LGR6: variants seen among roughly 807,000 people sequenced by gnomAD.
The protein encoded by LGR6 is leucine rich repeat containing G protein-coupled receptor 6.
LGR6 carries 45 observed loss-of-function variants against 69.4 expected under a neutral mutation model. The ratio of observed to expected loss-of-function variants is 0.65; its 90% CI spans 0.51 to 0.83. The LOEUF (loss-of-function observed/expected upper bound fraction) is 0.83. Among genes scored for constraint, LGR6 ranks in the 40% least tolerant of loss-of-function variants. The pLI, the probability that LGR6 is intolerant of heterozygous loss-of-function variation, is 0.00. For missense variants in LGR6, 1,108 were observed against 1,246.7 expected, an observed-to-expected ratio of 0.89 and a Z score of 1.68; for synonymous variants, 538 against 555.0, an observed-to-expected ratio of 0.97 and a Z score of 0.43.
chr1:202,197,021 A>G (rs769056242), intron 1 of LGR6: 1 of 533,034 alleles, frequency 1.9e-6, no homozygotes, highest in Admixed American at 1.9e-5. Context: ...TTGGACATGC[A>G]GGAAGTAGCA....
At chr1:202,239,149 C>T in intron 4 of LGR6, among the ~76,000 whole-genome samples, 1 of 152,152 alleles carries the variant, frequency 6.6e-6, no homozygotes, top group Non-Finnish European at 1.5e-5. Context: ...TAGGTGTCTT[C>T]CGGCCGGCTC....
At chr1:202,223,627 G>A (rs1231762940) in intron 1 of LGR6, among the ~76,000 whole-genome samples, 1 of 152,000 alleles carries the variant, frequency 6.6e-6, no homozygotes, top group African/African-American at 2.4e-5. Context: ...AGGCAGAGAC[G>A]AGAATCAGGC....
intron 3 of LGR6, among the ~76,000 whole-genome samples, chr1:202,232,505 G>A (rs1484813706): frequency 6.6e-6 from 1 of 152,138 alleles, no homozygotes; most frequent in East Asian, 1.9e-4. Context: ...GGGCTTCAGT[G>A]TGACCTGGGC....
At chr1:202,280,737 G>A (rs1315454656) in intron 5 of LGR6, 44 bp from the exon 6 acceptor site, 1 of 1,586,882 alleles carries the variant, frequency 6.3e-7, no homozygotes, top group Admixed American at 1.7e-5. Flanking sequence ...CCTGGCCCCA[G>A]TGCCGTGGGC....
intron 17 of LGR6, among the ~76,000 whole-genome samples, chr1:202,317,740 G>C (rs1287804173): frequency 1.3e-5 from 2 of 152,194 alleles, no homozygotes; most frequent in East Asian, 3.8e-4. Flanking sequence ...TCCCACAGCT[G>C]GGAGTTCTCT....
intron 1 of LGR6, among the ~76,000 whole-genome samples, chr1:202,205,192 GAAACACATGTCC>G (rs1490675392): frequency 0.11 from 100 of 916 alleles, no homozygotes; most frequent in Non-Finnish European, 0.29. Context: ...ACACACCCTC[GAAACACATGTCC>G]TTCAAACACA....
At chr1:202,203,867 C>T (rs1658924073) in intron 1 of LGR6, 5 of 1,613,062 alleles carry the variant, frequency 3.1e-6, no homozygotes, top group Non-Finnish European at 4.2e-6. Context: ...CAATAATCAT[C>T]TCTGCCCGGT....
At chr1:202,289,997 T>G (rs1344837990) in intron 6 of LGR6, among the ~76,000 whole-genome samples, 1 of 152,228 alleles carries the variant, frequency 6.6e-6, no homozygotes, top group Non-Finnish European at 1.5e-5. Flanking sequence ...TTAATGATAT[T>G]CATCTTTCTT....
intron 4 of LGR6, among the ~76,000 whole-genome samples, chr1:202,242,468 CCAGTGGGATGATTGGCAGA>C (rs1662291637): frequency 1.3e-5 from 2 of 152,156 alleles, no homozygotes; most frequent in Admixed American, 1.3e-4. Context: ...ATGAGAGAGT[CCAGTGGGATGATTGGCAGA>C]CAGATGTCCC....
At chr1:202,310,102 G>C in intron 15 of LGR6, 95 bp from the exon 16 acceptor site, 1 of 1,275,492 alleles carries the variant, frequency 7.8e-7, no homozygotes, top group Non-Finnish European at 1.1e-6. Flanking sequence ...GACACTGAGT[G>C]CCCAGCCCCT....
chr1:202,235,471 G>C (rs1406224881), intron 3 of LGR6, among the ~76,000 whole-genome samples: 1 of 152,164 alleles, frequency 6.6e-6, no homozygotes, highest in Non-Finnish European at 1.5e-5. Flanking sequence ...GACACCCTAA[G>C]GGCAGCCTTA....
chr1:202,286,235 G>A lies in LGR6; in HGVS notation c.716+5383G>A, dbSNP rs913120937. Among the ~76,000 whole-genome samples, 6 of 152,162 alleles carry A rather than the reference G, an allele frequency of 3.9e-5. No individual in the cohort carries two copies. In the South Asian group the frequency reaches 6.2e-4, roughly 16 times the overall value. ...CAACCCACTCTACAGCTATCCTGGCGGGCTCCATGACAGAGCCCTCTGGGG... is the reference window on the plus strand; with the variant it reads ...CAACCCACTCTACAGCTATCCTGGCAGGCTCCATGACAGAGCCCTCTGGGG... On this transcript the variant is annotated intron_variant, in intron 6 of 17. Coordinates refer to ENST00000367278, the MANE Select transcript of LGR6 (RefSeq NM_001017403.2).
At chr1:202,293,761 C>T (rs1182121536) in intron 6 of LGR6, among the ~76,000 whole-genome samples, 1 of 152,222 alleles carries the variant, frequency 6.6e-6, no homozygotes, top group African/African-American at 2.4e-5. Flanking sequence ...ACCTCATTGG[C>T]ATGGAGTTTG....
intron 6 of LGR6, among the ~76,000 whole-genome samples, chr1:202,288,268 CCTCCATTCCCAGCACT>C (rs1319617764): frequency 2.0e-5 from 3 of 152,204 alleles, no homozygotes; most frequent in African/African-American, 7.2e-5. Context: ...CACTTTGCAA[CCTCCATTCCCAGCACT>C]CTCCATTTTC....
intron 6 of LGR6, among the ~76,000 whole-genome samples, chr1:202,289,350 T>C (rs970642056): frequency 6.6e-6 from 1 of 152,214 alleles, no homozygotes; most frequent in Non-Finnish European, 1.5e-5. Flanking sequence ...ATCTCAGAGA[T>C]GATTCCTCTT....
intron 1 of LGR6, chr1:202,213,975 T>C: frequency 1.1e-6 from 1 of 874,682 alleles, no homozygotes. Context: ...AGATCTTGGA[T>C]CTAGTCTTTC....
chr1:202,258,755 T>C (rs769585884), intron 4 of LGR6, among the ~76,000 whole-genome samples: 3 of 152,094 alleles, frequency 2.0e-5, no homozygotes, highest in Non-Finnish European at 2.9e-5. Context: ...TTTATAGATA[T>C]CTAATATTAT....
At position 202,213,565 on chromosome 1, in the gene LGR6, C is replaced by T. The variant is rs150991157; in HGVS notation, c.213-11858C>T. ...GGCTGACCCAGAACGCCCTCCTCTA[C>T]CCACAGCCTCCCCAGCCTATCTTTC... On this transcript the variant is annotated intron_variant, in intron 1 of 17. Transcript: ENST00000367278. Among the ~76,000 whole-genome samples, 730 of 152,254 alleles carry T rather than the reference C, an allele frequency of 4.8e-3. 9 individuals carry two copies. The highest frequency in any genetic ancestry group is 0.017 in the African/African-American group (710 of 41,532).
intron 1 of LGR6, among the ~76,000 whole-genome samples, chr1:202,198,376 T>C (rs910121689): frequency 4.6e-5 from 7 of 152,248 alleles, no homozygotes; most frequent in Non-Finnish European, 1.0e-4. Flanking sequence ...ATAGGGTTGT[T>C]GTGTGGATTC....
Sources: gnomAD v4.1 joint callset for allele counts (sites outside exome capture counted in the v4.1 genomes callset) on GRCh38, gnomAD v4.1.1 for gene constraint, MANE v1.5 for transcripts, NCBI Gene and HGNC (gene_info 2026-07-23, HGNC 2026-07-21) for gene names.